Variants in TSPOAP1 observed in about 807,000 individuals in gnomAD.
The protein encoded by TSPOAP1 is peripheral-type benzodiazepine receptor-associated protein 1.
A neutral mutation model predicts 197.0 loss-of-function variants in TSPOAP1; 87 were observed. That is an observed-to-expected ratio of 0.44 (90% CI 0.37 to 0.53). TSPOAP1 has a LOEUF of 0.53. Among genes scored for constraint, TSPOAP1 ranks in the 20% least tolerant of loss-of-function variants. The pLI, the probability that TSPOAP1 is intolerant of heterozygous loss-of-function variation, is 0.00. For synonymous variants in TSPOAP1, 913 were observed against 998.9 expected, an observed-to-expected ratio of 0.91 and a Z score of 1.62; for missense variants, 2,174 against 2,411.3, an observed-to-expected ratio of 0.90 and a Z score of 2.06.
chr17:58,319,355 C>A (rs1437518450), intron 12 of TSPOAP1, 61 bp from the exon 13 acceptor site: 1 of 1,500,348 alleles, frequency 6.7e-7, no homozygotes. Flanking sequence ...CCAGCCCGTG[C>A]CATCTGTACA....
rs139472947 is a variant in TSPOAP1, at chr17:58,314,718, G to A, written c.2098+1305C>T. Among the ~76,000 whole-genome samples the A allele has an allele frequency of 2.6e-5, 4 of 152,344 alleles. No individual in the cohort carries two copies. In the East Asian group the frequency reaches 7.7e-4, roughly 29 times the overall value. On this transcript the variant is annotated intron_variant, in intron 16 of 31. Transcript: ENST00000343736. ...ATGGTAATTGCTCCTGCAGCCCTAG[G>A]AAACGATCATAAGCACCAGCACTGT...
At position 58,312,032 on chromosome 17, in the gene TSPOAP1, G is replaced by A. The variant is rs748700819; in HGVS notation, c.2789C>T (p.Ala930Val). The stretch of plus-strand genomic sequence containing the variant: ...GCCAGGCCGTAAGTGGCAGAAGGTG[G>A]CCCAGTAGGTACTGGGGCTGGCAGG... ...CPPASPSTYW[A>V]TFCHLRPGTP... Residue 930 changes from alanine (A) to valine (V), a missense_variant, in exon 17 of 32, where the codon GCC becomes GTC. Coordinates refer to ENST00000343736, the MANE Select transcript of TSPOAP1 (RefSeq NM_004758.4). 2.5e-6 allele frequency: 4 copies of A among 1,613,576 alleles called. No individual in the cohort carries two copies. Among genetic ancestry groups the A allele is most frequent in the African/African-American group, 1.3e-5 (1 of 75,060 alleles).
intron 10 of TSPOAP1, among the ~76,000 whole-genome samples, chr17:58,321,360 C>T (rs769014067): frequency 5.3e-5 from 8 of 151,148 alleles, no homozygotes; most frequent in African/African-American, 1.5e-4. Context: ...TGCAATGGTA[C>T]GATCTCAGCT....
chr17:58,315,209 A>C (rs1971190072), intron 16 of TSPOAP1, among the ~76,000 whole-genome samples: 2 of 152,230 alleles, frequency 1.3e-5, no homozygotes, highest in South Asian at 4.1e-4. Flanking sequence ...CTCCTCAAGT[A>C]ACAGGCAGAG....
intron 11 of TSPOAP1, 124 bp downstream of exon 11, chr17:58,320,407 G>A (rs1971370509): frequency 3.4e-6 from 4 of 1,193,986 alleles, no homozygotes; most frequent in Non-Finnish European, 1.1e-6. Flanking sequence ...CCAGGTCCTG[G>A]AGCATTTAAG....
rs1221989995 is a variant in TSPOAP1, at chr17:58,301,551, T to C, written c.*929A>G. The C allele has an allele frequency of 6.6e-6, 1 of 152,608 alleles. No individual in the cohort carries two copies. The highest frequency in any genetic ancestry group is 2.4e-5 in the African/African-American group (1 of 41,420). 9.5% of individuals were successfully genotyped at this position (152,608 alleles called of 1,614,324 possible). ...AAGAACTTGAATCCAATGAGCAAAATAAGGCAAACCCAACTCCGCTTTCGG... is the reference window on the plus strand; with the variant it reads ...AAGAACTTGAATCCAATGAGCAAAACAAGGCAAACCCAACTCCGCTTTCGG... On this transcript the variant is annotated 3_prime_UTR_variant, in exon 32 of 32. Transcript: ENST00000343736.
chr17:58,312,421 G>A lies in TSPOAP1; in HGVS notation c.2400C>T (p.Leu800=), dbSNP rs1213365287. The A allele has an allele frequency of 1.2e-6, 2 of 1,613,202 alleles. No homozygotes were observed. Among genetic ancestry groups the A allele is most frequent in the East Asian group, 2.2e-5 (1 of 44,888 alleles). ...AVPYPRRLVV[L]KQLAHSVVLA... is the part of the protein sequence containing the mutation. ...GCACCACGCTGTGGGCCAGCTGCTT[G>A]AGGACCACCAGACGGCGGGGGTAAG... is the stretch of plus-strand genomic sequence containing the variant. Residue 800 remains leucine (L), a synonymous_variant, in exon 17 of 32, where the codon CTC becomes CTT. Coordinates refer to ENST00000343736, the MANE Select transcript of TSPOAP1 (RefSeq NM_004758.4).
In TSPOAP1 at chr17:58,324,955, G is replaced by T. The variant is rs896207602; in HGVS notation, c.798C>A (p.Arg266=). The stretch of plus-strand genomic sequence containing the variant: ...GCCGCAGCACCTCCCGCTGGGACTC[G>T]CGCAGCAGCCGATCGAAGTCCCGCA... ...LHVRDFDRLL[R]ESQREVLRLQ... The change falls in exon 5 of 32, where the codon CGC becomes CGA. Residue 266 remains arginine, a synonymous_variant. Transcript: ENST00000343736. The surrounding 1 kb of genome is among the most constrained non-coding windows in gnomAD (Gnocchi z 5.8). 51 of 1,539,926 alleles carry T rather than the reference G, an allele frequency of 3.3e-5. No homozygotes were observed. The highest frequency in any genetic ancestry group is 2.3e-4 in the Middle Eastern group (1 of 4,348).
rs1262966766 is a variant in TSPOAP1, at chr17:58,306,962, C to A, written c.4990G>T (p.Gly1664Trp). The change falls in exon 25 of 32, where the codon GGG becomes TGG. Residue 1664 changes from glycine to tryptophan, a missense_variant. Physicochemically the swap from Gly to Trp is radical, Grantham distance 184. Coordinates refer to ENST00000343736, the MANE Select transcript of TSPOAP1 (RefSeq NM_004758.4). ...TAGAAGCCATCGGCATCCTTGTCCC[C>A]AAACACCTGGAGGCAAAACCAGTGG... ...FREGQILKVF[G>W]DKDADGFYQG... 1.2e-6 allele frequency: 2 copies of A among 1,612,104 alleles called. No homozygotes were observed. Among genetic ancestry groups the A allele is most frequent in the Non-Finnish European group, 1.7e-6 (2 of 1,179,738 alleles).
intron 31 of TSPOAP1, chr17:58,303,804 C>T (rs1418426293): frequency 1.3e-5 from 2 of 152,628 alleles, no homozygotes; most frequent in African/African-American, 2.4e-5. Context: ...AGCCACCACA[C>T]CTGGCCAAAC....
At chr17:58,327,010 T>G (rs1441826815) in intron 1 of TSPOAP1, among the ~76,000 whole-genome samples, 1 of 152,126 alleles carries the variant, frequency 6.6e-6, no homozygotes, top group Non-Finnish European at 1.5e-5. Flanking sequence ...GGCACCCTCC[T>G]GCTCCTCCCT....
chr17:58,321,300 C>CT (rs200542407), intron 10 of TSPOAP1, among the ~76,000 whole-genome samples: 161 of 143,676 alleles, frequency 1.1e-3, no homozygotes, highest in East Asian at 2.6e-3. Context: ...CTTGTCAATT[C>CT]TTTTTTTTTT....
chr17:58,311,428 G>A lies in TSPOAP1; in HGVS notation c.3081+143C>T, dbSNP rs1035646458. ...CTAAAATCTGTCATGTGCTGCCAAA[G>A]CCCATGCTCTTAACCCATCTGCCTC... On this transcript the variant is annotated intron_variant, in intron 18 of 31. Transcript: ENST00000343736. 4 of 1,307,652 alleles carry A rather than the reference G, an allele frequency of 3.1e-6. No homozygotes were observed. In the Admixed American group the frequency reaches 7.8e-5, roughly 25 times the overall value. The allele number at this position is 1,307,652 out of a possible 1,614,324, so 81.0% of individuals were successfully genotyped here. A position where few individuals can be genotyped will look rare whatever the true frequency, so the allele number is the denominator to read the frequency against.
chr17:58,320,042 C>A, intron 12 of TSPOAP1, 67 bp downstream of exon 12: 2 of 1,598,026 alleles, frequency 1.3e-6, no homozygotes, highest in Non-Finnish European at 1.7e-6. Context: ...ACTGCCTGGG[C>A]CCTGAGGGAG....
intron 12 of TSPOAP1, among the ~76,000 whole-genome samples, 161 bp downstream of exon 12, chr17:58,319,948 G>A (rs986082105): frequency 3.3e-5 from 5 of 152,302 alleles, no homozygotes; most frequent in East Asian, 3.9e-4. Context: ...GGGGACAGCC[G>A]CACGTGTCCT....
rs1021879424 is a variant in TSPOAP1, at chr17:58,324,588, G to A, written c.942+223C>T. Among the ~76,000 whole-genome samples, 18 of 152,210 alleles carry A rather than the reference G, an allele frequency of 1.2e-4. No individual in the cohort carries two copies. The Middle Eastern group carries it at 0.01, about 87-fold the overall frequency. The stretch of plus-strand genomic sequence containing the variant: ...GCCCCGCTGGGCGCAGGCCTATGGA[G>A]GGCGGAACCCTGGAGCCCCCAGGGG... On this transcript the variant is annotated intron_variant, in intron 5 of 31. Coordinates refer to ENST00000343736, the MANE Select transcript of TSPOAP1 (RefSeq NM_004758.4). This position sits in a 1 kb window ranked among gnomAD's most constrained non-coding sequence, Gnocchi z 5.8.
At chr17:58,314,282 G>GCAC (rs1598067007) in intron 16 of TSPOAP1, among the ~76,000 whole-genome samples, 1 of 152,350 alleles carries the variant, frequency 6.6e-6, no homozygotes, top group East Asian at 1.9e-4. Flanking sequence ...ACTGTAGAGG[G>GCAC]TTGAATGGTG....
Position 58,327,598 on chromosome 17 carries a change from G to A in TSPOAP1, c.323C>T (p.Ala108Val). Reference protein sequence around the residue: ...CQRPEDEEVEAFLKAKLNMSF... With the variant: ...CQRPEDEEVEVFLKAKLNMSF... ...CCACAGATCCCTTACCTTCAGGAAA[G>A]CCTCCACTTCCTCATCCTCTGGCCT... is the stretch of plus-strand genomic sequence containing the variant. The change falls in exon 1 of 32, where the codon GCT becomes GTT. Residue 108 changes from alanine (A) to valine (V), a missense_variant. Coordinates refer to ENST00000343736, the MANE Select transcript of TSPOAP1 (RefSeq NM_004758.4). 6.2e-7 allele frequency: 1 copy of A among 1,611,556 alleles called. No homozygotes were observed. Among genetic ancestry groups the A allele is most frequent in the Non-Finnish European group, 8.5e-7 (1 of 1,178,624 alleles).
chr17:58,310,150 GTCC>G lies in TSPOAP1; in HGVS notation c.3705_3707del (p.Glu1235del). 1 of 1,612,190 alleles carries G rather than the reference GTCC, an allele frequency of 6.2e-7. No homozygotes were observed. Among genetic ancestry groups the G allele is most frequent in the Non-Finnish European group, 8.5e-7 (1 of 1,179,608 alleles). On this transcript the variant is annotated inframe_deletion, in exon 21 of 32. Coordinates refer to ENST00000343736, the MANE Select transcript of TSPOAP1 (RefSeq NM_004758.4). ...CCAGATGAACCCCAAGCTCTGCTGT[GTCC>G]TCCTTCTGCAAGAAGTGAGGCAAGG... is the stretch of plus-strand genomic sequence containing the variant.
Sources: gnomAD v4.1 joint callset for allele counts (sites outside exome capture counted in the v4.1 genomes callset) on GRCh38, gnomAD v4.1.1 for gene constraint, Gnocchi (gnomAD v3.1) non-coding constraint, MANE v1.5 for transcripts, NCBI Gene and HGNC (gene_info 2026-07-23, HGNC 2026-07-21) for gene names.